The following PDE1C variants were observed in gnomAD, a reference collection of about 807,000 sequenced individuals.
The protein encoded by PDE1C is dual specificity calcium/calmodulin-dependent 3',5'-cyclic nucleotide phosphodiesterase 1C.
A neutral mutation model predicts 93.1 loss-of-function variants in PDE1C; 62 were observed. The observed-to-expected ratio is 0.67, with a 90% CI of 0.54 to 0.82. PDE1C has a LOEUF of 0.82. PDE1C is among the 40% of genes least tolerant of loss of function. PDE1C has a pLI of 0.00. For synonymous variants in PDE1C, 325 were observed against 310.1 expected (o/e 1.05, Z -0.50); for missense variants, 742 against 884.6 (o/e 0.84, Z 2.04).
chr7:31,798,818 A>G (rs79144462), intron 16 of PDE1C, among the ~76,000 whole-genome samples: 1 of 151,892 alleles, frequency 6.6e-6, no homozygotes, highest in South Asian at 2.1e-4. Context: ...AGTGTCAACT[A>G]CAAGTGATAA....
At chr7:31,827,103 C>T (rs747114139) in intron 12 of PDE1C, among the ~76,000 whole-genome samples, 15 of 152,164 alleles carry the variant, frequency 9.9e-5, no homozygotes, top group Non-Finnish European at 1.9e-4. Context: ...TAAACACATG[C>T]TATTATTAAC....
intron 8 of PDE1C, among the ~76,000 whole-genome samples, chr7:31,849,808 C>A (rs1018164258): frequency 6.6e-6 from 1 of 152,070 alleles, no homozygotes; most frequent in Non-Finnish European, 1.5e-5. Flanking sequence ...CTCTCCAGTT[C>A]CACATCATTG....
In PDE1C at chr7:31,879,311, A is replaced by C. The variant is rs1424762451; in HGVS notation, c.243-133T>G. 31 of 814,766 alleles carry C rather than the reference A, an allele frequency of 3.8e-5. No individual in the cohort carries two copies. In the Middle Eastern group the frequency reaches 4.8e-3, roughly 125 times the overall value. The allele number at this position is 814,766 out of a possible 1,614,324, so 50.5% of individuals were successfully genotyped here. ...AACCAAATTAAATTGGCCACAAAAAATACAGTGCCTTTTTGGTAAGGCTTA... is the reference window on the plus strand; with the variant it reads ...AACCAAATTAAATTGGCCACAAAAACTACAGTGCCTTTTTGGTAAGGCTTA... On this transcript the variant is annotated intron_variant, in intron 3 of 17. Transcript: ENST00000396191.
intron 11 of PDE1C, among the ~76,000 whole-genome samples, chr7:31,831,892 A>G (rs1790460425): frequency 6.6e-6 from 1 of 152,158 alleles, no homozygotes; most frequent in African/African-American, 2.4e-5. Context: ...CAAACAAACA[A>G]CAGATGGGGA....
intron 1 of PDE1C, among the ~76,000 whole-genome samples, chr7:32,286,206 T>A (rs1407609893): frequency 6.6e-6 from 1 of 152,168 alleles, no homozygotes; most frequent in Non-Finnish European, 1.5e-5. Context: ...TAAGAGGAGA[T>A]GATAGATGTC....
chr7:31,998,814 C>T (rs759650818), intron 2 of PDE1C, among the ~76,000 whole-genome samples: 3 of 152,172 alleles, frequency 2.0e-5, no homozygotes, highest in Admixed American at 6.5e-5. Context: ...ATAATATCTG[C>T]ACATTTTCTC....
intron 1 of PDE1C, among the ~76,000 whole-genome samples, chr7:32,246,216 G>T (rs562761682): frequency 6.6e-6 from 1 of 151,958 alleles, no homozygotes; most frequent in Non-Finnish European, 1.5e-5. Flanking sequence ...CAATCCTCTT[G>T]CCTTGGCCCC....
At chr7:31,702,198 C>T in the PDE1C span, among the ~76,000 whole-genome samples, 6 of 130,482 alleles carry the variant, frequency 4.6e-5, no homozygotes, top group African/African-American at 1.7e-4. Context: ...CAGCTTTTCA[C>T]CCTTATTTAT....
intron 1 of PDE1C, among the ~76,000 whole-genome samples, chr7:32,403,610 C>T (rs1410835980): frequency 6.6e-6 from 1 of 152,202 alleles, no homozygotes; most frequent in Non-Finnish European, 1.5e-5. Flanking sequence ...ACATGCGTCT[C>T]CTCTCTAAAT....
At chr7:32,360,931 T>C (rs1784125781) in intron 1 of PDE1C, among the ~76,000 whole-genome samples, 1 of 152,172 alleles carries the variant, frequency 6.6e-6, no homozygotes, top group African/African-American at 2.4e-5. Flanking sequence ...TACTGTATGC[T>C]AGGCACGGTT....
rs376833975 is a variant in PDE1C, at chr7:32,121,500, T to C, written c.308+48285A>G. Among the ~76,000 whole-genome samples the C allele has an allele frequency of 4.3e-4, 66 of 152,142 alleles. 1 individual carries two copies. The South Asian group carries it at 6.9e-3, about 16-fold the overall frequency. ...AGAGAGAAAGGCCAGGTCATCTACA[T>C]AGGGAAGCCTAACAGACTAACAACA... is the stretch of plus-strand genomic sequence containing the variant. On this transcript the variant is annotated intron_variant, in intron 3 of 18. Transcript: ENST00000396193.
intron 2 of PDE1C, among the ~76,000 whole-genome samples, chr7:32,016,907 C>T (rs1787981903): frequency 6.6e-6 from 1 of 152,138 alleles, no homozygotes; most frequent in Admixed American, 6.6e-5. Context: ...CAGTCAGGCA[C>T]AGCATGATGT....
At chr7:31,729,344 TG>T in the PDE1C span, among the ~76,000 whole-genome samples, 1 of 152,172 alleles carries the variant, frequency 6.6e-6, no homozygotes, top group African/African-American at 2.4e-5. Context: ...GGCTCTGCTC[TG>T]GAAGTAGTCA....
intron 1 of PDE1C, among the ~76,000 whole-genome samples, chr7:32,331,332 C>A (rs1308527707): frequency 6.6e-6 from 1 of 152,208 alleles, no homozygotes; most frequent in Non-Finnish European, 1.5e-5. Context: ...TTAAGCTGCG[C>A]TGGTGTGCGA....
the PDE1C span, among the ~76,000 whole-genome samples, chr7:31,689,463 G>A: frequency 6.6e-6 from 1 of 152,114 alleles, no homozygotes; most frequent in Non-Finnish European, 1.5e-5. Context: ...AACAAGTGCA[G>A]CATCCCTTTA....
intron 1 of PDE1C, among the ~76,000 whole-genome samples, chr7:32,318,449 C>T (rs540034305): frequency 2.6e-5 from 4 of 152,064 alleles, no homozygotes; most frequent in Non-Finnish European, 5.9e-5. Context: ...GCGGCTCTCC[C>T]TCCGCCGCGG....
intron 2 of PDE1C, among the ~76,000 whole-genome samples, chr7:31,984,953 G>A (rs368243426): frequency 3.3e-5 from 5 of 152,280 alleles, no homozygotes; most frequent in African/African-American, 1.2e-4. Flanking sequence ...AGCAATTCCT[G>A]AAACCTCCTA....
At chr7:31,617,919 C>T in the PDE1C span, among the ~76,000 whole-genome samples, 1 of 152,124 alleles carries the variant, frequency 6.6e-6, no homozygotes, top group Non-Finnish European at 1.5e-5. Flanking sequence ...AAGATAAAGT[C>T]CCTTTTCTAT....
the PDE1C span, among the ~76,000 whole-genome samples, chr7:31,637,138 G>A: frequency 1.3e-5 from 2 of 151,900 alleles, no homozygotes; most frequent in African/African-American, 4.8e-5. Context: ...GTCTATCGTT[G>A]TTGGACATTT....
Sources: allele counts gnomAD v4.1 joint callset (sites outside exome capture counted in the v4.1 genomes callset), GRCh38; gene constraint gnomAD v4.1.1; transcripts MANE v1.5; gene names NCBI Gene and HGNC (gene_info 2026-07-23, HGNC 2026-07-21).